Variants in KCTD5 observed in about 807,000 individuals in gnomAD.
KCTD5 encodes the protein potassium channel tetramerization domain containing 5, also known as BTB/POZ domain-containing protein KCTD5.
In KCTD5, 12 loss-of-function variants were observed where a neutral mutation model predicts 27.9. That is an observed-to-expected ratio of 0.43 (90% confidence interval 0.28 to 0.70). KCTD5 has a LOEUF of 0.70. Ranked by LOEUF, KCTD5 falls within the 30% of genes least tolerant of loss-of-function variation. KCTD5 has a pLI of 0.19. For missense variants in KCTD5, 226 were observed against 274.8 expected, an observed-to-expected ratio of 0.82 and a Z score of 1.26; for synonymous variants, 147 against 121.4, an observed-to-expected ratio of 1.21 and a Z score of -1.39.
At chr16:2,693,426 T>C (rs2067575566) in intron 1 of KCTD5, among the ~76,000 whole-genome samples, 1 of 152,198 alleles carries the variant, frequency 6.6e-6, no homozygotes, top group African/African-American at 2.4e-5. Flanking sequence ...AGGGGGTGTT[T>C]AATGGAAAAG....
At chr16:2,691,492 G>A (rs1050155832) in intron 1 of KCTD5, among the ~76,000 whole-genome samples, 2 of 152,220 alleles carry the variant, frequency 1.3e-5, no homozygotes, top group Non-Finnish European at 2.9e-5. Flanking sequence ...GCTCTGCAGT[G>A]TCACTCCGGG....
chr16:2,701,676 G>A (rs2067612812), intron 4 of KCTD5, among the ~76,000 whole-genome samples: 1 of 152,246 alleles, frequency 6.6e-6, no homozygotes, highest in African/African-American at 2.4e-5. Flanking sequence ...TCGTCCAGCT[G>A]CTTTTTGGCT....
intron 2 of KCTD5, among the ~76,000 whole-genome samples, chr16:2,696,775 C>T (rs374081806): frequency 6.6e-5 from 10 of 152,268 alleles, no homozygotes; most frequent in South Asian, 2.1e-4. Context: ...TCCGAGTTCA[C>T]GCGGGGCGTG....
chr16:2,697,827 A>G, intron 2 of KCTD5, 79 bp from the exon 3 acceptor site: 1 of 1,003,882 alleles, frequency 1.0e-6, no homozygotes, highest in Admixed American at 1.9e-5. Flanking sequence ...GGCAGGGGCA[A>G]GGGCAGGGGT....
At position 2,693,724 on chromosome 16, in the gene KCTD5, A is replaced by G. The variant is rs113244545; in HGVS notation, c.253-2211A>G. On this transcript the variant is annotated intron_variant, in intron 1 of 5. Coordinates refer to ENST00000301738, the MANE Select transcript of KCTD5 (RefSeq NM_018992.4). ...TGCACCGGCCCAGGGCCTGAGAAGC[A>G]CATGGTGGGTTGTCTTGGCCTAGAG... Among the ~76,000 whole-genome samples, 522 of 152,310 alleles carry G rather than the reference A, an allele frequency of 3.4e-3. 5 individuals are homozygous for G. The highest frequency in any genetic ancestry group is 0.012 in the African/African-American group (481 of 41,562).
In KCTD5 at chr16:2,688,224, A is replaced by ATATATAT. The variant is rs1567193086; in HGVS notation, c.252+5424_252+5425insTATATAT. 5.5e-4 allele frequency among the ~76,000 whole-genome samples: 44 copies of ATATATAT among 79,554 alleles called. 1 individual carries two copies. The highest frequency in any genetic ancestry group is 2.0e-3 in the African/African-American group (41 of 20,720). The allele number at this position is 79,554 out of a possible 152,430, so 52.2% of individuals were successfully genotyped here. A position where few individuals can be genotyped will look rare whatever the true frequency, so the allele number is the denominator to read the frequency against. ...GTTTTTATTATTAAATAAATAAATA[A>ATATATAT]ATAAATATATATATATATATATTTA... is the stretch of plus-strand genomic sequence containing the variant. On this transcript the variant is annotated intron_variant, in intron 1 of 5. Coordinates refer to ENST00000301738, the MANE Select transcript of KCTD5 (RefSeq NM_018992.4).
At chr16:2,685,593 T>G (rs544360175) in intron 1 of KCTD5, 2 of 148,918 alleles carry the variant, frequency 1.3e-5, no homozygotes, top group East Asian at 3.9e-4. Context: ...ATGCTTCATC[T>G]TAGTTTTGTC....
chr16:2,697,123 C>G (rs2067590056), intron 2 of KCTD5: 1 of 152,436 alleles, frequency 6.6e-6, no homozygotes. Flanking sequence ...AAGCCTGTGT[C>G]TCTGAGGCCC....
At chr16:2,700,258 G>A (rs992782497) in intron 4 of KCTD5, among the ~76,000 whole-genome samples, 6 of 152,208 alleles carry the variant, frequency 3.9e-5, no homozygotes, top group East Asian at 3.8e-4. Context: ...ACTATCCAGC[G>A]CAATCCCCGT....
At chr16:2,689,856 A>G (rs2067557536) in intron 1 of KCTD5, among the ~76,000 whole-genome samples, 1 of 152,164 alleles carries the variant, frequency 6.6e-6, no homozygotes, top group African/African-American at 2.4e-5. Flanking sequence ...GTGTATTTTT[A>G]GTAGAGACAG....
At chr16:2,697,379 C>G (rs1032755708) in intron 2 of KCTD5, 1 of 154,316 alleles carries the variant, frequency 6.5e-6, no homozygotes, top group African/African-American at 2.4e-5. Flanking sequence ...CCCTCTCAGC[C>G]AGCCACAGTC....
intron 1 of KCTD5, among the ~76,000 whole-genome samples, chr16:2,688,456 G>A (rs1180739901): frequency 3.9e-5 from 6 of 151,926 alleles, no homozygotes; most frequent in Non-Finnish European, 5.9e-5. Context: ...TTGCCATGTT[G>A]GCCAGGCTGG....
rs751284544 is a variant in KCTD5 at position 2,682,658 on chromosome 16, A to G, written c.110A>G (p.Gln37Arg). 8 of 1,597,668 alleles carry G rather than the reference A, an allele frequency of 5.0e-6. No individual in the cohort carries two copies. The highest frequency in any genetic ancestry group is 1.1e-5 in the South Asian group (1 of 89,054). The change falls in exon 1 of 6, where the codon CAG (glutamine) becomes CGG (arginine). Residue 37 changes from glutamine to arginine, a missense_variant. This residue lies in a region of KCTD5 where 91 missense variants were observed against 67.8 expected (regional missense o/e 1.34). Transcript: ENST00000301738. ...RCSAGLGALA[Q>R]RPGSVSKWVR... is the part of the protein sequence containing the mutation. The stretch of plus-strand genomic sequence containing the variant: ...AGCGCTGGGCTCGGCGCCCTGGCCC[A>G]GCGCCCTGGCAGCGTGTCCAAGTGG...
intron 3 of KCTD5, among the ~76,000 whole-genome samples, chr16:2,698,466 C>G (rs1596224097): frequency 1.3e-5 from 2 of 152,230 alleles, no homozygotes; most frequent in East Asian, 1.9e-4. Flanking sequence ...AGACACACCT[C>G]TCACAGCTGG....
At chr16:2,698,029 A>G (rs762995573) in intron 3 of KCTD5, 32 bp downstream of exon 3, 1 of 1,517,398 alleles carries the variant, frequency 6.6e-7, no homozygotes, top group Non-Finnish European at 9.1e-7. Flanking sequence ...GGAAGCTTGT[A>G]TGGCTGGTGT....
At chr16:2,693,241 T>TG (rs1461109255) in intron 1 of KCTD5, among the ~76,000 whole-genome samples, 1 of 152,190 alleles carries the variant, frequency 6.6e-6, no homozygotes, top group East Asian at 1.9e-4. Context: ...GGCTATGGTG[T>TG]GGGGAGTGGG....
chr16:2,693,269 C>T (rs1394633407), intron 1 of KCTD5, among the ~76,000 whole-genome samples: 1 of 152,234 alleles, frequency 6.6e-6, no homozygotes, highest in Non-Finnish European at 1.5e-5. Flanking sequence ...CGCCTCCTCC[C>T]TGTTCCCTCC....
Position 2,699,927 on chromosome 16 carries a change from C to T in KCTD5, c.549+11C>T. 1.2e-6 allele frequency: 2 copies of T among 1,612,158 alleles called. No homozygotes were observed. The highest frequency in any genetic ancestry group is 1.7e-6 in the Non-Finnish European group (2 of 1,178,650). On this transcript the variant is annotated intron_variant, in intron 4 of 5. Coordinates refer to ENST00000301738, the MANE Select transcript of KCTD5 (RefSeq NM_018992.4). ...TGGAAGTTCGAGCAGGTGAGGGGCCCTGGCCAGCCTGGTGGCAGCCATGCT... is the reference window on the plus strand; with the variant it reads ...TGGAAGTTCGAGCAGGTGAGGGGCCTTGGCCAGCCTGGTGGCAGCCATGCT...
chr16:2,684,764 C>CAAAAAAAA (rs1408507684), intron 1 of KCTD5: 1 of 127,278 alleles, frequency 7.9e-6, no homozygotes, highest in African/African-American at 3.1e-5. Flanking sequence ...GACTCCATCA[C>CAAAAAAAA]AAAAAAAAAA....
Sources: allele counts gnomAD v4.1 joint callset (sites outside exome capture counted in the v4.1 genomes callset), GRCh38; gene constraint gnomAD v4.1.1; regional missense constraint gnomAD v4.1.1; transcripts MANE v1.5; gene names NCBI Gene and HGNC (gene_info 2026-07-23, HGNC 2026-07-21).